The following ANKRD6 variants were observed in gnomAD, a reference collection of about 807,000 sequenced individuals.
The protein encoded by ANKRD6 is ankyrin repeat domain-containing protein 6.
A neutral mutation model predicts 82.3 loss-of-function variants in ANKRD6; 56 were observed. The observed-to-expected ratio is 0.68, with a 90% CI of 0.55 to 0.85. ANKRD6 has a LOEUF of 0.85. Ranked by LOEUF, ANKRD6 falls within the 40% of genes least tolerant of loss-of-function variation. The pLI is 0.00. For synonymous variants in ANKRD6, 347 were observed against 352.1 expected (o/e 0.99, Z 0.16); for missense variants, 852 against 907.6 (o/e 0.94, Z 0.79).
rs1233915129 is a variant in ANKRD6 at position 89,613,812 on chromosome 6, C to T, written c.537C>T (p.His179=). 6.2e-6 allele frequency: 10 copies of T among 1,614,022 alleles called. No individual in the cohort carries two copies. The highest frequency in any genetic ancestry group is 7.6e-6 in the Non-Finnish European group (9 of 1,179,892). The stretch of plus-strand genomic sequence containing the variant: ...CGCAGGCAGGAGACACCTGTTTGCA[C>T]GTTGCTGCGCGCTATAATCACTTGT... The part of the protein sequence containing the change: ...LKNNAGDTCL[H]VAARYNHLSI... The change falls in exon 7 of 16, where the codon CAC becomes CAT. Residue 179 remains histidine, a synonymous_variant. Coordinates refer to ENST00000339746, the MANE Select transcript of ANKRD6 (RefSeq NM_001242809.2).
At chr6:89,461,395 G>C (rs975442061) in intron 1 of ANKRD6, among the ~76,000 whole-genome samples, 1 of 152,174 alleles carries the variant, frequency 6.6e-6, no homozygotes, top group South Asian at 2.1e-4. Context: ...GAATTAGTGA[G>C]AGATGAGATT....
intron 1 of ANKRD6, among the ~76,000 whole-genome samples, chr6:89,559,475 C>A (rs1562811493): frequency 6.6e-6 from 1 of 152,110 alleles, no homozygotes; most frequent in Non-Finnish European, 1.5e-5. Flanking sequence ...GCTTGGTACT[C>A]CACAAAATAA....
chr6:89,573,939 T>C (rs1457039583), intron 2 of ANKRD6, among the ~76,000 whole-genome samples: 1 of 152,148 alleles, frequency 6.6e-6, no homozygotes, highest in Non-Finnish European at 1.5e-5. Context: ...TGGAATTTGC[T>C]CTCCTCCCAA....
chr6:89,473,381 C>T (rs1254474726), intron 1 of ANKRD6, among the ~76,000 whole-genome samples: 11 of 145,500 alleles, frequency 7.6e-5, no homozygotes, highest in Admixed American at 7.0e-4. Flanking sequence ...CCAGCCTGGG[C>T]GATAGAGTGA....
intron 1 of ANKRD6, among the ~76,000 whole-genome samples, chr6:89,455,965 C>G (rs1480908882): frequency 6.6e-6 from 1 of 152,110 alleles, no homozygotes; most frequent in East Asian, 1.9e-4. Context: ...CCTCCACCTC[C>G]CAGGTTCAAG....
chr6:89,511,692 TG>T (rs759935981), intron 1 of ANKRD6, among the ~76,000 whole-genome samples: 17 of 152,246 alleles, frequency 1.1e-4, no homozygotes, highest in Non-Finnish European at 1.3e-4. Context: ...GGAAAATGTT[TG>T]CTATGGCTTT....
At chr6:89,566,336 A>G (rs996238545) in intron 1 of ANKRD6, among the ~76,000 whole-genome samples, 7 of 152,242 alleles carry the variant, frequency 4.6e-5, no homozygotes, top group African/African-American at 1.4e-4. Flanking sequence ...AGTAAATGCT[A>G]GGAGAAAACC....
intron 14 of ANKRD6, among the ~76,000 whole-genome samples, chr6:89,627,905 G>A (rs994023316): frequency 5.9e-5 from 9 of 152,226 alleles, no homozygotes; most frequent in African/African-American, 1.9e-4. Context: ...GCTGGCAACA[G>A]ATGAAGACCG....
At chr6:89,528,954 C>A (rs1249441640) in intron 1 of ANKRD6, among the ~76,000 whole-genome samples, 2 of 152,174 alleles carry the variant, frequency 1.3e-5, no homozygotes, top group East Asian at 3.8e-4. Flanking sequence ...AACAGATGTG[C>A]TGTCATCTGG....
At chr6:89,480,783 T>G (rs1776697474) in intron 1 of ANKRD6, among the ~76,000 whole-genome samples, 1 of 150,234 alleles carries the variant, frequency 6.7e-6, no homozygotes, top group African/African-American at 2.5e-5. Flanking sequence ...ACATTTTTTT[T>G]TTGTTTTTTT....
At chr6:89,609,108 G>A (rs1442192291) in intron 5 of ANKRD6, among the ~76,000 whole-genome samples, 1 of 152,198 alleles carries the variant, frequency 6.6e-6, no homozygotes, top group African/African-American at 2.4e-5. Flanking sequence ...GGCACCGCAT[G>A]CAGCTTTGTG....
At chr6:89,494,407 G>T (rs1750591157) in intron 1 of ANKRD6, among the ~76,000 whole-genome samples, 1 of 152,176 alleles carries the variant, frequency 6.6e-6, no homozygotes, top group Non-Finnish European at 1.5e-5. Context: ...CTAACACTGG[G>T]CTGTGCAGGC....
At chr6:89,444,312 C>T (rs55666140) in intron 1 of ANKRD6, among the ~76,000 whole-genome samples, 8,246 of 152,174 alleles carry the variant, frequency 0.054, 278 homozygotes, top group South Asian at 0.14. Flanking sequence ...TAATGAATAA[C>T]AGCAAAATCC....
In ANKRD6 at chr6:89,603,173, A is replaced by G. The variant is rs200060185; in HGVS notation, c.318+46A>G. ...CTTACTCCCCAAGGCAAGGGAAGCC[A>G]GTGGCTCAGGGGAGCTGGAGGAGCC... On this transcript the variant is annotated intron_variant, in intron 4 of 15. Transcript: ENST00000339746. 3.9e-4 allele frequency: 611 copies of G among 1,550,278 alleles called. 4 individuals carry two copies. In the African/African-American group the frequency reaches 7.1e-3, roughly 18 times the overall value.
At chr6:89,478,184 G>A (rs930680953) in intron 1 of ANKRD6, 1 of 152,264 alleles carries the variant, frequency 6.6e-6, no homozygotes, top group African/African-American at 2.4e-5. Flanking sequence ...CTACTCAGGA[G>A]GCTGAGGTGT....
chr6:89,613,991 C>T, intron 7 of ANKRD6, 101 bp downstream of exon 7: 2 of 1,181,710 alleles, frequency 1.7e-6, no homozygotes, highest in Non-Finnish European at 2.4e-6. Flanking sequence ...TGGGAAGCTG[C>T]CATGTCACCT....
At chr6:89,554,016 G>A (rs1786222291) in intron 1 of ANKRD6, among the ~76,000 whole-genome samples, 1 of 152,152 alleles carries the variant, frequency 6.6e-6, no homozygotes, top group Non-Finnish European at 1.5e-5. Flanking sequence ...AAAGATGGGG[G>A]GGTGTGAGTG....
intron 5 of ANKRD6, among the ~76,000 whole-genome samples, chr6:89,610,552 T>C (rs1045994461): frequency 6.6e-6 from 1 of 152,232 alleles, no homozygotes; most frequent in Non-Finnish European, 1.5e-5. Context: ...TATTTCCTTA[T>C]TGGCAATATA....
At chr6:89,565,113 G>C (rs150710161) in intron 1 of ANKRD6, 1 of 152,206 alleles carries the variant, frequency 6.6e-6, no homozygotes, top group African/African-American at 2.4e-5. Context: ...GCCGTTCAGC[G>C]TGACCATGAG....
Sources: allele counts gnomAD v4.1 joint callset (sites outside exome capture counted in the v4.1 genomes callset), GRCh38; gene constraint gnomAD v4.1.1; transcripts MANE v1.5; gene names NCBI Gene and HGNC (gene_info 2026-07-23, HGNC 2026-07-21).